The following KRTAP10-7 variants were observed in gnomAD, a reference collection of about 807,000 sequenced individuals.
KRTAP10-7 encodes keratin-associated protein 10-7.
For missense variants in KRTAP10-7, 394 were observed against 474.3 expected, an observed-to-expected ratio of 0.83 and a Z score of 1.57; for synonymous variants, 162 against 199.6, an observed-to-expected ratio of 0.81 and a Z score of 1.59.
rs389167 is a variant in KRTAP10-7, at chr21:44,601,290, T to C, written c.669T>C (p.Pro223=). Reference sequence around the variant, plus strand: ...AGCCGGCTTGCTGCACCTCCTCCCCTTGCCAGCAGGCCTGCTGTGTGCCTG... The same window carrying C: ...AGCCGGCTTGCTGCACCTCCTCCCCCTGCCAGCAGGCCTGCTGTGTGCCTG... ...SCKPACCTSS[P]CQQACCVPVC... is the part of the protein sequence containing the mutation. Residue 223 remains proline (P), a synonymous_variant, in exon 1 of 1, where the codon CCT becomes CCC. Coordinates refer to ENST00000609664, the MANE Select transcript of KRTAP10-7 (RefSeq NM_198689.3). 139,465 of 1,546,312 alleles carry C rather than the reference T, an allele frequency of 0.09. 11,437 individuals are homozygous for C. The highest frequency in any genetic ancestry group is 0.44 in the African/African-American group (30,702 of 69,596).
Position 44,601,909 on chromosome 21 carries a change from A to G in KRTAP10-7, c.*175A>G. On this transcript the variant is annotated 3_prime_UTR_variant, in exon 1 of 1. Coordinates refer to ENST00000609664, the MANE Select transcript of KRTAP10-7 (RefSeq NM_198689.3). ...TAGAAGCAGCTCAGCTGTTTCTCCA[A>G]GTCTTGACTTTCCCCCAATTACCCA... 1 of 954,792 alleles carries G rather than the reference A, an allele frequency of 1.0e-6. No homozygotes were observed. Among genetic ancestry groups the G allele is most frequent in the Non-Finnish European group, 1.5e-6 (1 of 649,310 alleles). 59.1% of individuals were successfully genotyped at this position (954,792 alleles called of 1,614,324 possible).
In KRTAP10-7 at chr21:44,600,984, G is replaced by T; in HGVS notation, c.363G>T (p.Lys121Asn). Residue 121 changes from lysine to asparagine, a missense_variant, in exon 1 of 1, where the codon AAG (lysine) becomes AAT (asparagine). Lys to Asn is a moderately conservative substitution (Grantham distance 94, BLOSUM62 0). Transcript: ENST00000609664. ...TCTGCTGCAAGACTGTCTGCTGCAAGCCTGTGTACTGTGTGCCTGTCTGCA... is the reference window on the plus strand; with the variant it reads ...TCTGCTGCAAGACTGTCTGCTGCAATCCTGTGTACTGTGTGCCTGTCTGCA... Reference protein sequence around the residue: ...VPVCCKTVCCKPVYCVPVCSG... With the variant: ...VPVCCKTVCCNPVYCVPVCSG... The T allele has an allele frequency of 6.2e-7, 1 of 1,612,016 alleles. No individual in the cohort carries two copies. Among genetic ancestry groups the T allele is most frequent in the Non-Finnish European group, 8.5e-7 (1 of 1,179,786 alleles).
In KRTAP10-7 at chr21:44,600,608, G is replaced by A. The variant is rs780545702; in HGVS notation, c.-14G>A. 1.2e-6 allele frequency: 2 copies of A among 1,608,604 alleles called. No homozygotes were observed. Among genetic ancestry groups the A allele is most frequent in the Non-Finnish European group, 1.7e-6 (2 of 1,177,072 alleles). On this transcript the variant is annotated 5_prime_UTR_variant, in exon 1 of 1. Coordinates refer to ENST00000609664, the MANE Select transcript of KRTAP10-7 (RefSeq NM_198689.3). ...CACCCACTCACTCCCATCTCCTCCA[G>A]TTCAATCCCCAGCATGGCTGCGTCC...
rs116074123 is a variant in KRTAP10-7, at chr21:44,601,631, C to A, written c.1010C>A (p.Ala337Asp). Residue 337 changes from alanine to aspartate, a missense_variant, in exon 1 of 1, where the codon GCC (alanine) becomes GAC (aspartate). By Grantham distance (126) the Ala-to-Asp change is moderately radical (BLOSUM62 -2). Transcript: ENST00000609664. ...TGCGCCCCCACCTCCTCCTGCCAGG[C>A]CAGCTGCTGCCGCCCAGCCTCCTGT... is the stretch of plus-strand genomic sequence containing the variant. ...SCCAPTSSCQ[A>D]SCCRPASCVS... 5.0e-6 allele frequency: 8 copies of A among 1,613,500 alleles called. No homozygotes were observed. The Admixed American group carries it at 1.0e-4, about 20-fold the overall frequency.
chr21:44,601,794 C>T lies in KRTAP10-7; in HGVS notation c.*60C>T, dbSNP rs1467549056. 1.9e-6 allele frequency: 3 copies of T among 1,564,024 alleles called. No individual in the cohort carries two copies. The highest frequency in any genetic ancestry group is 2.6e-6 in the Non-Finnish European group (3 of 1,152,966). On this transcript the variant is annotated 3_prime_UTR_variant, in exon 1 of 1. Transcript: ENST00000609664. ...TCACTGCCACCTGCACCCCTGGATT[C>T]TTTACCCTTGACGGCTCTCCACATC...
In KRTAP10-7 at chr21:44,601,816, C is replaced by T; in HGVS notation, c.*82C>T. On this transcript the variant is annotated 3_prime_UTR_variant, in exon 1 of 1. Transcript: ENST00000609664. ...ATTCTTTACCCTTGACGGCTCTCCA[C>T]ATCCCGCTCCTAAGCCCTGCAGTGG... 6.5e-7 allele frequency: 1 copy of T among 1,532,914 alleles called. No individual in the cohort carries two copies. The highest frequency in any genetic ancestry group is 8.8e-7 in the Non-Finnish European group (1 of 1,136,398). 95.0% of individuals were successfully genotyped at this position (1,532,914 alleles called of 1,614,324 possible).
In KRTAP10-7 at chr21:44,602,122, C is replaced by G. The variant is rs1980980528; in HGVS notation, c.*388C>G. On this transcript the variant is annotated 3_prime_UTR_variant, in exon 1 of 1. Transcript: ENST00000609664. ...GCCTGGGCCTCTTTCTCTGTCTTCCCTGACCACGGGAGCAGGTCAGACCCT... is the reference window on the plus strand; with the variant it reads ...GCCTGGGCCTCTTTCTCTGTCTTCCGTGACCACGGGAGCAGGTCAGACCCT... 2 of 344,734 alleles carry G rather than the reference C, an allele frequency of 5.8e-6. No homozygotes were observed. The highest frequency in any genetic ancestry group is 9.7e-5 in the South Asian group (2 of 20,660). The allele number at this position is 344,734 out of a possible 1,614,324, so 21.4% of individuals were successfully genotyped here. A position where few individuals can be genotyped will look rare whatever the true frequency, so the allele number is the denominator to read the frequency against.
chr21:44,601,324 A>G lies in KRTAP10-7; in HGVS notation c.703A>G (p.Lys235Glu). The G allele has an allele frequency of 6.2e-7, 1 of 1,607,366 alleles. No homozygotes were observed. The highest frequency in any genetic ancestry group is 8.5e-7 in the Non-Finnish European group (1 of 1,177,928). The change falls in exon 1 of 1, where the codon AAG becomes GAG. Residue 235 changes from lysine to glutamate, a missense_variant. Lys to Glu is a moderately conservative substitution (Grantham distance 56). Transcript: ENST00000609664. The part of the protein sequence containing the change: ...QQACCVPVCC[K>E]PVCCVPTCSD... The stretch of plus-strand genomic sequence containing the variant: ...GGCCTGCTGTGTGCCTGTCTGCTGC[A>G]AGCCCGTCTGCTGTGTGCCCACCTG...
In KRTAP10-7 at chr21:44,602,078, T is replaced by A; in HGVS notation, c.*344T>A. 2.5e-6 allele frequency: 1 copy of A among 406,978 alleles called. No homozygotes were observed. The allele number at this position is 406,978 out of a possible 1,614,324, so 25.2% of individuals were successfully genotyped here. On this transcript the variant is annotated 3_prime_UTR_variant, in exon 1 of 1. Transcript: ENST00000609664. The stretch of plus-strand genomic sequence containing the variant: ...ACTGTCCCAGCTCAGTGGCGAGCCC[T>A]GCTCCTCCCCTGCTGTGGGCCTGGG...
chr21:44,601,584 C>A, the KRTAP10-7 span: 52 of 1,613,532 alleles, frequency 3.2e-5, no homozygotes, highest in Non-Finnish European at 4.3e-5. Flanking sequence ...GGCCCGCCTG[C>A]TGCGTGCCCG....
In KRTAP10-7 at chr21:44,601,838, G is replaced by A. The variant is rs186223794; in HGVS notation, c.*104G>A. The A allele has an allele frequency of 4.2e-5, 61 of 1,438,982 alleles. No homozygotes were observed. In the East Asian group the frequency reaches 1.2e-3, roughly 28 times the overall value. 89.1% of individuals were successfully genotyped at this position (1,438,982 alleles called of 1,614,324 possible). ...CCACATCCCGCTCCTAAGCCCTGCA[G>A]TGGACGTCAGTGGTCAGCTGGCCAT... On this transcript the variant is annotated 3_prime_UTR_variant, in exon 1 of 1. Coordinates refer to ENST00000609664, the MANE Select transcript of KRTAP10-7 (RefSeq NM_198689.3).
At chr21:44,600,937 C>T in the KRTAP10-7 span, 2 of 1,612,298 alleles carry the variant, frequency 1.2e-6, no homozygotes, top group Non-Finnish European at 1.7e-6. Context: ...CTCCCCCTGC[C>T]AGCAGGCCTG....
Position 44,601,410 on chromosome 21 carries a change from G to A in KRTAP10-7, c.789G>A (p.Gln263=). 1.2e-6 allele frequency: 2 copies of A among 1,612,304 alleles called. No individual in the cohort carries two copies. The highest frequency in any genetic ancestry group is 1.7e-6 in the Non-Finnish European group (2 of 1,179,252). The part of the protein sequence containing the change: ...PACCTSSQSQ[Q]GCCVPVCCKP... ...GCTGCACCTCCTCCCAAAGCCAGCA[G>A]GGCTGCTGCGTGCCCGTCTGCTGTA... Residue 263 remains glutamine, a synonymous_variant, in exon 1 of 1, where the codon CAG becomes CAA. Coordinates refer to ENST00000609664, the MANE Select transcript of KRTAP10-7 (RefSeq NM_198689.3).
In KRTAP10-7 at chr21:44,601,499, G is replaced by T. The variant is rs201563690; in HGVS notation, c.878G>T (p.Cys293Phe). ...ACTTCATGCTGCCAGCAGTCTAGCT[G>T]CCAGCCGGCTTGCTGCACCACCTCC... ...ASTSCCQQSS[C>F]QPACCTTSCC... Residue 293 changes from cysteine to phenylalanine, a missense_variant, in exon 1 of 1, where the codon TGC becomes TTC. By Grantham distance (205) the Cys-to-Phe change is radical (BLOSUM62 -2). Transcript: ENST00000609664. 3 of 1,612,686 alleles carry T rather than the reference G, an allele frequency of 1.9e-6. No individual in the cohort carries two copies. Among genetic ancestry groups the T allele is most frequent in the Non-Finnish European group, 2.5e-6 (3 of 1,179,516 alleles).
rs1555928481 is a variant in KRTAP10-7 at position 44,600,884 on chromosome 21, C to T, written c.263C>T (p.Ser88Leu). Residue 88 changes from serine (S) to leucine (L), a missense_variant, in exon 1 of 1, where the codon TCG (serine) becomes TTG (leucine). Ser to Leu is a moderately radical substitution (Grantham distance 145, BLOSUM62 -2). Transcript: ENST00000609664. ...GGCTGCACCAGCTCCTGCACGCCCTCGTGCTGCCAGCAGTCTAGCTGCCAG... is the reference window on the plus strand; with the variant it reads ...GGCTGCACCAGCTCCTGCACGCCCTTGTGCTGCCAGCAGTCTAGCTGCCAG... ...QSGCTSSCTP[S>L]CCQQSSCQLA... The T allele has an allele frequency of 8.1e-6, 13 of 1,611,538 alleles. No homozygotes were observed. The highest frequency in any genetic ancestry group is 3.3e-5 in the Admixed American group (2 of 59,922).
At position 44,601,896 on chromosome 21, in the gene KRTAP10-7, A is replaced by G; in HGVS notation, c.*162A>G. On this transcript the variant is annotated 3_prime_UTR_variant, in exon 1 of 1. Coordinates refer to ENST00000609664, the MANE Select transcript of KRTAP10-7 (RefSeq NM_198689.3). ...GCGCTTCTCCTCCTAGAAGCAGCTC[A>G]GCTGTTTCTCCAAGTCTTGACTTTC... 1 of 1,028,302 alleles carries G rather than the reference A, an allele frequency of 9.7e-7. No homozygotes were observed. Among genetic ancestry groups the G allele is most frequent in the African/African-American group, 1.6e-5 (1 of 61,854 alleles). 63.7% of individuals were successfully genotyped at this position (1,028,302 alleles called of 1,614,324 possible). A position where few individuals can be genotyped will look rare whatever the true frequency, so the allele number is the denominator to read the frequency against.
At position 44,601,572 on chromosome 21, in the gene KRTAP10-7, C is replaced by T. The variant is rs782618344; in HGVS notation, c.951C>T (p.Cys317=). 3.1e-6 allele frequency: 5 copies of T among 1,613,726 alleles called. No individual in the cohort carries two copies. Among genetic ancestry groups the T allele is most frequent in the Non-Finnish European group, 4.2e-6 (5 of 1,179,848 alleles). The part of the protein sequence containing the change: ...SSVSLLCRPV[C]RPACCVPVPS... Reference sequence around the variant, plus strand: ...TGTCCCTCCTCTGCCGCCCCGTGTGCAGGCCCGCCTGCTGCGTGCCCGTCC... The same window carrying T: ...TGTCCCTCCTCTGCCGCCCCGTGTGTAGGCCCGCCTGCTGCGTGCCCGTCC... Residue 317 remains cysteine (C), a synonymous_variant, in exon 1 of 1, where the codon TGC becomes TGT. Transcript: ENST00000609664.
chr21:44,601,418 G>A lies in KRTAP10-7; in HGVS notation c.797G>A (p.Cys266Tyr). 6.2e-7 allele frequency: 1 copy of A among 1,611,618 alleles called. No homozygotes were observed. Among genetic ancestry groups the A allele is most frequent in the Non-Finnish European group, 8.5e-7 (1 of 1,178,936 alleles). Residue 266 changes from cysteine (C) to tyrosine (Y), a missense_variant, in exon 1 of 1, where the codon TGC (cysteine) becomes TAC (tyrosine). Coordinates refer to ENST00000609664, the MANE Select transcript of KRTAP10-7 (RefSeq NM_198689.3). ...TCCTCCCAAAGCCAGCAGGGCTGCT[G>A]CGTGCCCGTCTGCTGTAAGCCTGTG... ...CTSSQSQQGCCVPVCCKPVCC... is the reference protein window; with the variant it reads ...CTSSQSQQGCYVPVCCKPVCC...
rs201563690 is a variant in KRTAP10-7 at position 44,601,499 on chromosome 21, G to C, written c.878G>C (p.Cys293Ser). The C allele has an allele frequency of 6.2e-7, 1 of 1,612,800 alleles. No individual in the cohort carries two copies. Among genetic ancestry groups the C allele is most frequent in the South Asian group, 1.1e-5 (1 of 90,934 alleles). ...ACTTCATGCTGCCAGCAGTCTAGCT[G>C]CCAGCCGGCTTGCTGCACCACCTCC... ...ASTSCCQQSS[C>S]QPACCTTSCC... The change falls in exon 1 of 1, where the codon TGC (cysteine) becomes TCC (serine). Residue 293 changes from cysteine to serine, a missense_variant. By Grantham distance (112) the Cys-to-Ser change is moderately radical (BLOSUM62 -1). Coordinates refer to ENST00000609664, the MANE Select transcript of KRTAP10-7 (RefSeq NM_198689.3).
Sources: allele counts gnomAD v4.1 joint callset, GRCh38; gene constraint gnomAD v4.1.1; transcripts MANE v1.5; gene names NCBI Gene and HGNC (gene_info 2026-07-23, HGNC 2026-07-21).